ADGRB3: variants seen among roughly 807,000 people sequenced by gnomAD.
ADGRB3 encodes brain-specific angiogenesis inhibitor 3.
A neutral mutation model predicts 193.4 loss-of-function variants in ADGRB3; 37 were observed. The observed-to-expected ratio is 0.19, with a 90% CI of 0.15 to 0.25. The LOEUF is 0.25. Among genes scored for constraint, ADGRB3 ranks in the 10% least tolerant of loss-of-function variants. ADGRB3 has a pLI of 1.00. For synonymous variants in ADGRB3, 690 were observed against 644.2 expected (o/e 1.07, Z -1.08); for missense variants, 1,637 against 1,852.9 (o/e 0.88, Z 2.14).
chr6:68,731,762 G>T (rs1390879732), intron 3 of ADGRB3, among the ~76,000 whole-genome samples: 1 of 151,146 alleles, frequency 6.6e-6, no homozygotes, highest in Non-Finnish European at 1.5e-5. Context: ...TCACTCCAAG[G>T]ATAAGAAAGA....
At chr6:68,676,495 G>A (rs375216071) in intron 3 of ADGRB3, among the ~76,000 whole-genome samples, 10 of 151,994 alleles carry the variant, frequency 6.6e-5, no homozygotes, top group African/African-American at 2.4e-4. Context: ...TTTGTGGATG[G>A]TATTATCGTT....
At chr6:69,016,561 T>C (rs996441078) in intron 12 of ADGRB3, among the ~76,000 whole-genome samples, 1 of 151,838 alleles carries the variant, frequency 6.6e-6, no homozygotes, top group Non-Finnish European at 1.5e-5. Flanking sequence ...CCTCCTTATA[T>C]CTTTATGACT....
chr6:68,951,100 T>G (rs1481937775), intron 6 of ADGRB3, among the ~76,000 whole-genome samples: 1 of 152,184 alleles, frequency 6.6e-6, no homozygotes, highest in Non-Finnish European at 1.5e-5. Context: ...AACAGATATT[T>G]TACATGTAAA....
chr6:69,062,791 T>G (rs1771786456), intron 15 of ADGRB3, 143 bp from the exon 16 acceptor site: 2 of 608,800 alleles, frequency 3.3e-6, no homozygotes, highest in Admixed American at 6.3e-5. Context: ...AGCAGTAAAA[T>G]GTGTCTTTCC....
intron 17 of ADGRB3, among the ~76,000 whole-genome samples, chr6:69,083,929 G>A (rs370450414): frequency 2.0e-5 from 3 of 151,640 alleles, no homozygotes; most frequent in African/African-American, 4.8e-5. Context: ...TACATGCCAC[G>A]ACACCCAGCT....
intron 8 of ADGRB3, among the ~76,000 whole-genome samples, chr6:68,959,707 C>T (rs1768179931): frequency 6.6e-6 from 1 of 151,940 alleles, no homozygotes; most frequent in South Asian, 2.1e-4. Context: ...AAAGTGTCAT[C>T]ATTGATGACA....
chr6:68,937,888 A>T (rs999252929), intron 5 of ADGRB3, among the ~76,000 whole-genome samples: 1 of 152,206 alleles, frequency 6.6e-6, no homozygotes, highest in Non-Finnish European at 1.5e-5. Context: ...GCTGTACACT[A>T]AAAATTGATT....
intron 3 of ADGRB3, among the ~76,000 whole-genome samples, chr6:68,649,780 G>A (rs976526187): frequency 6.6e-6 from 1 of 152,130 alleles, no homozygotes; most frequent in Non-Finnish European, 1.5e-5. Context: ...GCAAAGTCAG[G>A]GTGTCTCTTT....
intron 17 of ADGRB3, among the ~76,000 whole-genome samples, chr6:69,231,353 T>G (rs766025747): frequency 1.4e-4 from 21 of 152,228 alleles, no homozygotes; most frequent in Admixed American, 3.3e-4. Flanking sequence ...GATATTGAAT[T>G]GATTTATTGG....
intron 17 of ADGRB3, among the ~76,000 whole-genome samples, chr6:69,180,377 A>C (rs984958628): frequency 6.6e-6 from 1 of 152,228 alleles, no homozygotes; most frequent in African/African-American, 2.4e-5. Context: ...GGGGCAGTTT[A>C]GGCTGCTGAT....
At chr6:69,143,521 G>A (rs144584153) in intron 17 of ADGRB3, among the ~76,000 whole-genome samples, 1 of 152,262 alleles carries the variant, frequency 6.6e-6, no homozygotes, top group African/African-American at 2.4e-5. Flanking sequence ...TGAAGTCTTA[G>A]ATATAAGACT....
intron 8 of ADGRB3, among the ~76,000 whole-genome samples, chr6:68,966,999 A>G (rs529406754): frequency 6.6e-6 from 1 of 152,314 alleles, no homozygotes; most frequent in East Asian, 1.9e-4. Flanking sequence ...AGACTCTTCA[A>G]AGAATGCCAA....
chr6:69,075,054 G>T (rs1341759211), intron 16 of ADGRB3, among the ~76,000 whole-genome samples: 1 of 152,174 alleles, frequency 6.6e-6, no homozygotes, highest in East Asian at 1.9e-4. Context: ...CTCAGGAAGA[G>T]TCTACCCAAA....
intron 20 of ADGRB3, among the ~76,000 whole-genome samples, chr6:69,248,621 A>G (rs1290290427): frequency 6.6e-6 from 1 of 152,240 alleles, no homozygotes; most frequent in Non-Finnish European, 1.5e-5. Context: ...TAAATACTTT[A>G]GGCTTTGTAG....
intron 17 of ADGRB3, among the ~76,000 whole-genome samples, chr6:69,149,924 CTG>C (rs1167142377): frequency 0.18 from 23,123 of 128,466 alleles, 1,940 homozygotes; most frequent in Non-Finnish European, 0.2. Context: ...GTCTGTCTTT[CTG>C]TGTGTGTGTG....
intron 10 of ADGRB3, among the ~76,000 whole-genome samples, chr6:68,990,565 T>C (rs1163044546): frequency 6.6e-6 from 1 of 152,160 alleles, no homozygotes; most frequent in Non-Finnish European, 1.5e-5. Context: ...TACTACTGAC[T>C]TGGGCCAGAT....
At chr6:69,066,660 G>A (rs1390367541) in intron 16 of ADGRB3, among the ~76,000 whole-genome samples, 1 of 152,000 alleles carries the variant, frequency 6.6e-6, no homozygotes, top group Non-Finnish European at 1.5e-5. Flanking sequence ...TCAGGCTGAT[G>A]GCTTCATTGT....
chr6:69,115,698 T>A (rs1184554708), intron 17 of ADGRB3, among the ~76,000 whole-genome samples: 4 of 152,222 alleles, frequency 2.6e-5, no homozygotes, highest in Non-Finnish European at 5.9e-5. Flanking sequence ...GCCATGGAGA[T>A]GTGCCACTTA....
intron 23 of ADGRB3, among the ~76,000 whole-genome samples, chr6:69,330,902 A>G (rs1768708658): frequency 6.6e-6 from 1 of 152,182 alleles, no homozygotes; most frequent in African/African-American, 2.4e-5. Flanking sequence ...CCTTTACACT[A>G]TTCTGTACAA....
Sources: allele counts gnomAD v4.1 joint callset (sites outside exome capture counted in the v4.1 genomes callset), GRCh38; gene constraint gnomAD v4.1.1; transcripts MANE v1.5; gene names NCBI Gene and HGNC (gene_info 2026-07-23, HGNC 2026-07-21).